The following FUT8 variants were observed in gnomAD, a reference collection of about 807,000 sequenced individuals.
FUT8 encodes alpha-(1,6)-fucosyltransferase.
FUT8 carries 29 observed loss-of-function variants against 71.3 expected under a neutral mutation model. The observed-to-expected ratio is 0.41, with a 90% CI of 0.30 to 0.55. The LOEUF (loss-of-function observed/expected upper bound fraction) is 0.55, where lower values mean the gene tolerates loss of function less well. FUT8 is among the 20% of genes least tolerant of loss of function. The pLI is 0.34. For missense variants in FUT8, 544 were observed against 702.1 expected (o/e 0.77, Z 2.55); for synonymous variants, 254 against 239.3 (o/e 1.06, Z -0.57).
chr14:65,418,495 C>T (rs2065250145), intron 1 of FUT8, among the ~76,000 whole-genome samples: 1 of 152,150 alleles, frequency 6.6e-6, no homozygotes, highest in Non-Finnish European at 1.5e-5. Context: ...AGCCAACATT[C>T]CATAAGCTAA....
chr14:65,627,918 G>T lies in FUT8; in HGVS notation c.483-1574G>T, dbSNP rs138752370. 3.3e-5 allele frequency among the ~76,000 whole-genome samples: 5 copies of T among 152,268 alleles called. No individual in the cohort carries two copies. The East Asian group carries it at 9.7e-4, about 29-fold the overall frequency. On this transcript the variant is annotated intron_variant, in intron 5 of 10. Coordinates refer to ENST00000673929, the MANE Select transcript of FUT8 (RefSeq NM_001371533.1). The surrounding 1 kb of genome is among the most constrained non-coding windows in gnomAD (Gnocchi z 4.0). ...CCTGATGGTCGCCTGACATTGCTTG[G>T]AGGTTAAGGGGGTGCCTTCTTCTGC...
Position 65,638,514 on chromosome 14 carries a change from A to G in FUT8, c.597+8908A>G, listed in dbSNP as rs542878228. Among the ~76,000 whole-genome samples, 1 of 151,924 alleles carries G rather than the reference A, an allele frequency of 6.6e-6. No homozygotes were observed. Among genetic ancestry groups the G allele is most frequent in the East Asian group, 1.9e-4 (1 of 5,176 alleles). On this transcript the variant is annotated intron_variant, in intron 6 of 10. Coordinates refer to ENST00000673929, the MANE Select transcript of FUT8 (RefSeq NM_001371533.1). This position sits in a 1 kb window ranked among gnomAD's most constrained non-coding sequence, Gnocchi z 4.5. ...TTTCACTTTTTAAATGAGGATAGGG[A>G]TTTTTTTTCATTCAAAAATAAGTTT...
At chr14:65,424,601 G>T (rs1224307845) in intron 1 of FUT8, among the ~76,000 whole-genome samples, 1 of 142,666 alleles carries the variant, frequency 7.0e-6, no homozygotes, top group Non-Finnish European at 1.5e-5. Flanking sequence ...GCAGTGGCAC[G>T]ATCTCGGCTC....
At position 65,623,650 on chromosome 14, in the gene FUT8, G is replaced by A. The variant is rs1395382401; in HGVS notation, c.483-5842G>A. 5.3e-5 allele frequency among the ~76,000 whole-genome samples: 8 copies of A among 152,262 alleles called. 1 individual carries two copies. Among genetic ancestry groups the A allele is most frequent in the South Asian group, 4.2e-4 (2 of 4,810 alleles). On this transcript the variant is annotated intron_variant, in intron 5 of 10. Coordinates refer to ENST00000673929, the MANE Select transcript of FUT8 (RefSeq NM_001371533.1). ...GGAGAATTGCTTCAACCCAGGAGGC[G>A]GAGGTTGCAGTGAGCTGAGATCGTG...
chr14:65,625,995 G>A (rs1481814393), intron 5 of FUT8, among the ~76,000 whole-genome samples: 1 of 152,030 alleles, frequency 6.6e-6, no homozygotes, highest in African/African-American at 2.4e-5. Context: ...GTTGTTGAGG[G>A]CATATTTCAC....
chr14:65,729,186 C>T (rs1895836666), intron 9 of FUT8, among the ~76,000 whole-genome samples: 4 of 151,530 alleles, frequency 2.6e-5, no homozygotes. Context: ...GCATCATGCC[C>T]AGCTAATTTT....
Position 65,721,930 on chromosome 14 carries a change from T to C in FUT8, c.991T>C (p.Phe331Leu), listed in dbSNP as rs778019391. 6.2e-7 allele frequency: 1 copy of C among 1,614,146 alleles called. No homozygotes were observed. Reference sequence around the variant, plus strand: ...CCCTGCAGTGTGGTGGGTGTCTCAGTTTGTCAAATACTTGATCCGCCCACA... The same window carrying C: ...CCCTGCAGTGTGGTGGGTGTCTCAGCTTGTCAAATACTTGATCCGCCCACA... ...GDPAVWWVSQFVKYLIRPQPW... is the reference protein window; with the variant it reads ...GDPAVWWVSQLVKYLIRPQPW... The change falls in exon 8 of 11, where the codon TTT (phenylalanine) becomes CTT (leucine). Residue 331 changes from phenylalanine to leucine, a missense_variant. Coordinates refer to ENST00000673929, the MANE Select transcript of FUT8 (RefSeq NM_001371533.1).
In FUT8 at chr14:65,692,348, G is replaced by A. The variant is rs866708672; in HGVS notation, c.835+22868G>A. ...CACCTCCCAGACGGGGCGGCTGGCC[G>A]GGCGGGGGGCTGACCCCCCCACCTC... On this transcript the variant is annotated intron_variant, in intron 7 of 10. Transcript: ENST00000673929. Among the ~76,000 whole-genome samples the A allele has an allele frequency of 1.6e-3, 240 of 146,588 alleles. 1 individual carries two copies. Among genetic ancestry groups the A allele is most frequent in the Middle Eastern group, 3.5e-3 (1 of 282 alleles).
chr14:65,658,765 T>A (rs1891817145), intron 6 of FUT8, among the ~76,000 whole-genome samples: 1 of 151,918 alleles, frequency 6.6e-6, no homozygotes. Context: ...TGGGGAAGAG[T>A]GTACCTCTAA....
At chr14:65,571,180 G>C (rs1886452817) in intron 3 of FUT8, among the ~76,000 whole-genome samples, 1 of 152,018 alleles carries the variant, frequency 6.6e-6, no homozygotes, top group African/African-American at 2.4e-5. Flanking sequence ...AACAGTAACT[G>C]TCAGTAATCT....
At chr14:65,531,767 C>T (rs1036022995) in intron 2 of FUT8, among the ~76,000 whole-genome samples, 1 of 152,112 alleles carries the variant, frequency 6.6e-6, no homozygotes, top group Non-Finnish European at 1.5e-5. Flanking sequence ...CCTCTCCCTG[C>T]TTCCACTCTC....
intron 7 of FUT8, among the ~76,000 whole-genome samples, chr14:65,711,126 A>G (rs1344906586): frequency 1.3e-5 from 2 of 152,318 alleles, no homozygotes; most frequent in East Asian, 3.9e-4. Context: ...TTTCGACATG[A>G]GATTAGGAGG....
chr14:65,509,500 T>G (rs1321384011), intron 2 of FUT8, among the ~76,000 whole-genome samples: 1 of 152,134 alleles, frequency 6.6e-6, no homozygotes. Context: ...ATCTGTAGAT[T>G]GCTTTGGGTA....
intron 2 of FUT8, among the ~76,000 whole-genome samples, chr14:65,475,784 G>A (rs921728341): frequency 1.3e-5 from 2 of 151,894 alleles, no homozygotes; most frequent in African/African-American, 2.4e-5. Context: ...CCTTGTCTTG[G>A]GGGGCAAAAA....
chr14:65,575,703 C>G (rs1886735098), intron 3 of FUT8, among the ~76,000 whole-genome samples: 1 of 151,866 alleles, frequency 6.6e-6, no homozygotes, highest in Non-Finnish European at 1.5e-5. Flanking sequence ...ACTGCAACCT[C>G]CACCTCCCGG....
intron 3 of FUT8, among the ~76,000 whole-genome samples, chr14:65,608,008 T>C (rs1373055593): frequency 7.0e-6 from 1 of 142,750 alleles, no homozygotes. Context: ...GAGGTTGCAG[T>C]GAGCCGAGAT....
intron 2 of FUT8, among the ~76,000 whole-genome samples, chr14:65,496,996 A>T (rs539061045): frequency 2.0e-5 from 3 of 152,174 alleles, no homozygotes; most frequent in East Asian, 1.9e-4. Context: ...AATAATAGCA[A>T]CCACCTCCTA....
intron 2 of FUT8, among the ~76,000 whole-genome samples, chr14:65,520,396 A>G (rs1882998009): frequency 6.6e-6 from 1 of 152,112 alleles, no homozygotes; most frequent in African/African-American, 2.4e-5. Context: ...TAATTAGAGG[A>G]GAGAAGACAT....
At chr14:65,539,310 G>A (rs1381390138) in intron 2 of FUT8, among the ~76,000 whole-genome samples, 1 of 152,202 alleles carries the variant, frequency 6.6e-6, no homozygotes, top group Non-Finnish European at 1.5e-5. Flanking sequence ...CCCGTGAAGA[G>A]TAATAATCCC....
Sources: allele counts gnomAD v4.1 joint callset (sites outside exome capture counted in the v4.1 genomes callset), GRCh38; gene constraint gnomAD v4.1.1; non-coding constraint Gnocchi (gnomAD v3.1); transcripts MANE v1.5; gene names NCBI Gene and HGNC (gene_info 2026-07-23, HGNC 2026-07-21).